RORA: variants seen among roughly 807,000 people sequenced by gnomAD.
RORA encodes the protein RAR related orphan receptor A.
A neutral mutation model predicts 69.5 loss-of-function variants in RORA; 7 were observed. The observed-to-expected ratio is 0.10, with a 90% CI of 0.06 to 0.19. The LOEUF (loss-of-function observed/expected upper bound fraction) is 0.19, where lower values mean the gene tolerates loss of function less well. RORA is among the 10% of genes least tolerant of loss of function. RORA has a pLI of 1.00. For missense variants in RORA, 457 were observed against 663.0 expected (o/e 0.69, Z 3.41); for synonymous variants, 261 against 240.8 (o/e 1.08, Z -0.78).
At chr15:61,170,463 T>C (rs2079575560) in intron 1 of RORA, among the ~76,000 whole-genome samples, 1 of 152,180 alleles carries the variant, frequency 6.6e-6, no homozygotes, top group Non-Finnish European at 1.5e-5. Context: ...TAAGGACCTG[T>C]AATTACACTG....
intron 2 of RORA, among the ~76,000 whole-genome samples, chr15:60,638,300 T>C (rs2069876440): frequency 6.6e-6 from 1 of 152,104 alleles, no homozygotes; most frequent in South Asian, 2.1e-4. Flanking sequence ...TTGTTTTCTT[T>C]TTAAGGCTTG....
At chr15:60,921,236 T>C (rs1051661794) in intron 1 of RORA, among the ~76,000 whole-genome samples, 1 of 152,154 alleles carries the variant, frequency 6.6e-6, no homozygotes, top group African/African-American at 2.4e-5. Context: ...TATAAGAATA[T>C]TCACAGAGCC....
chr15:60,949,266 A>AT (rs1893004802), intron 1 of RORA, among the ~76,000 whole-genome samples: 1 of 152,138 alleles, frequency 6.6e-6, no homozygotes, highest in Non-Finnish European at 1.5e-5. Context: ...ACTGTCTCCT[A>AT]CTATCCATGA....
chr15:60,803,975 C>T (rs2072622603), intron 1 of RORA, among the ~76,000 whole-genome samples: 1 of 152,136 alleles, frequency 6.6e-6, no homozygotes, highest in African/African-American at 2.4e-5. Flanking sequence ...AGACAAAGCA[C>T]TTTCTAGCAC....
chr15:60,962,823 G>C (rs1418936548), intron 1 of RORA, among the ~76,000 whole-genome samples: 2 of 152,208 alleles, frequency 1.3e-5, no homozygotes, highest in Admixed American at 6.5e-5. Context: ...TTGCTCAGAA[G>C]AATTGGTAGC....
At chr15:61,223,314 C>CAAAAAAAAAA (rs10685041) in intron 1 of RORA, among the ~76,000 whole-genome samples, 1 of 96,260 alleles carries the variant, frequency 1.0e-5, no homozygotes, top group Non-Finnish European at 1.9e-5. Flanking sequence ...GACTCTGTCT[C>CAAAAAAAAAA]AAAAAAAAAA....
intron 2 of RORA, among the ~76,000 whole-genome samples, chr15:60,640,127 A>G (rs2069916620): frequency 6.6e-6 from 1 of 152,186 alleles, no homozygotes; most frequent in African/African-American, 2.4e-5. Context: ...ATGTGGGTAA[A>G]ATAATATTCC....
At chr15:60,616,283 G>C (rs2069241485) in intron 2 of RORA, among the ~76,000 whole-genome samples, 1 of 152,186 alleles carries the variant, frequency 6.6e-6, no homozygotes, top group Admixed American at 6.5e-5. Context: ...TGTGTGCTCA[G>C]GGTGGTGCTA....
chr15:60,619,874 T>C (rs898270240), intron 2 of RORA, among the ~76,000 whole-genome samples: 1 of 152,268 alleles, frequency 6.6e-6, no homozygotes, highest in Non-Finnish European at 1.5e-5. Context: ...CATCTTTGCC[T>C]GCTTTTGCAG....
At chr15:60,868,688 A>T (rs1166517412) in intron 1 of RORA, among the ~76,000 whole-genome samples, 1 of 152,134 alleles carries the variant, frequency 6.6e-6, no homozygotes, top group African/African-American at 2.4e-5. Context: ...CAGAGATGGC[A>T]TAAGGGTGTC....
At chr15:61,184,986 C>CAAAAAAAA (rs775960162) in intron 1 of RORA, among the ~76,000 whole-genome samples, 2 of 59,672 alleles carry the variant, frequency 3.4e-5, no homozygotes, top group Non-Finnish European at 6.4e-5. Flanking sequence ...CCCTGTCTCT[C>CAAAAAAAA]AAAAAAAAAA....
chr15:60,961,486 A>G (rs1009200918), intron 1 of RORA, among the ~76,000 whole-genome samples: 1 of 152,258 alleles, frequency 6.6e-6, no homozygotes, highest in African/African-American at 2.4e-5. Context: ...TATACGTGAC[A>G]GAGACTTAAA....
intron 1 of RORA, among the ~76,000 whole-genome samples, chr15:61,102,948 T>C (rs1462657408): frequency 3.3e-5 from 5 of 152,220 alleles, no homozygotes; most frequent in Admixed American, 1.3e-4. Context: ...ATTTTGAATA[T>C]GAATGTCTCT....
intron 1 of RORA, among the ~76,000 whole-genome samples, chr15:60,889,350 C>G (rs966090208): frequency 2.8e-4 from 38 of 136,260 alleles, no homozygotes; most frequent in Non-Finnish European, 4.5e-4. Flanking sequence ...GGGAGTGGGG[C>G]GGGGGGGGGG....
intron 2 of RORA, among the ~76,000 whole-genome samples, chr15:60,547,274 C>G (rs1055517701): frequency 2.0e-5 from 3 of 151,666 alleles, no homozygotes; most frequent in Admixed American, 2.0e-4. Context: ...TGCAGCTGCT[C>G]TCAGTGCCAA....
Position 61,098,245 on chromosome 15 carries a change from C to T in RORA, c.166+130808G>A, listed in dbSNP as rs1198134525. On this transcript the variant is annotated intron_variant, in intron 1 of 10. Coordinates refer to ENST00000335670, the MANE Select transcript of RORA (RefSeq NM_134261.3). The stretch of plus-strand genomic sequence containing the variant: ...CTTCCTTCCCTCTCTCCCTTTTCTC[C>T]CTCCCCCCTTTTTTTCTCCCTCCCT... Among the ~76,000 whole-genome samples, 7 of 143,570 alleles carry T rather than the reference C, an allele frequency of 4.9e-5. No individual in the cohort carries two copies. In the Admixed American group the frequency reaches 4.9e-4, roughly 10 times the overall value. 94.2% of individuals were successfully genotyped at this position (143,570 alleles called of 152,430 possible). A position where few individuals can be genotyped will look rare whatever the true frequency, so the allele number is the denominator to read the frequency against.
intron 2 of RORA, among the ~76,000 whole-genome samples, chr15:60,550,646 TTCC>T (rs2067204940): frequency 1.3e-5 from 2 of 152,198 alleles, no homozygotes; most frequent in South Asian, 4.1e-4. Flanking sequence ...GTTGTTTCTT[TTCC>T]TTAAGGCTTA....
chr15:60,717,415 T>G (rs780640392), intron 1 of RORA, among the ~76,000 whole-genome samples: 8 of 152,212 alleles, frequency 5.3e-5, no homozygotes, highest in Non-Finnish European at 1.2e-4. Context: ...TCAAGTATCA[T>G]GCCCCAAGTC....
At chr15:60,998,525 G>A (rs1894637596) in intron 1 of RORA, among the ~76,000 whole-genome samples, 1 of 151,976 alleles carries the variant, frequency 6.6e-6, no homozygotes, top group South Asian at 2.1e-4. Context: ...AGCCTCCCAA[G>A]TAGCTGGGAT....
Sources: allele counts gnomAD v4.1 joint callset (sites outside exome capture counted in the v4.1 genomes callset), GRCh38; gene constraint gnomAD v4.1.1; transcripts MANE v1.5; gene names NCBI Gene and HGNC (gene_info 2026-07-23, HGNC 2026-07-21).